SMYD5: variants seen among roughly 807,000 people sequenced by gnomAD.
The protein encoded by SMYD5 is SMYD family member 5.
A neutral mutation model predicts 57.4 loss-of-function variants in SMYD5; 35 were observed. The ratio of observed to expected loss-of-function variants is 0.61; its 90% confidence interval spans 0.47 to 0.81. The LOEUF (loss-of-function observed/expected upper bound fraction) is 0.81. SMYD5 is among the 30% of genes least tolerant of loss of function. The pLI is 0.00. For synonymous variants in SMYD5, 198 were observed against 189.7 expected, an observed-to-expected ratio of 1.04 and a Z score of -0.36; for missense variants, 471 against 527.9, an observed-to-expected ratio of 0.89 and a Z score of 1.06.
At chr2:73,223,591 G>A in intron 9 of SMYD5, 59 bp downstream of exon 9, 1 of 1,159,594 alleles carries the variant, frequency 8.6e-7, no homozygotes, top group South Asian at 1.2e-5. Context: ...GTCAGATGGT[G>A]GACACAAAGT....
rs149763941 is a variant in SMYD5, at chr2:73,224,131, T to G, written c.940+128T>G. ...GTAGGGTTGAGTCTGGGAGCCCCAT[T>G]AGGTCTGAGCTCCCACAGGAATTCC... On this transcript the variant is annotated intron_variant, in intron 10 of 12. Coordinates refer to ENST00000389501, the MANE Select transcript of SMYD5 (RefSeq NM_006062.3). The G allele has an allele frequency of 4.7e-3, 3,785 of 804,732 alleles. 19 individuals carry two copies. Among genetic ancestry groups the G allele is most frequent in the Middle Eastern group, 0.013 (38 of 2,824 alleles). 49.8% of individuals were successfully genotyped at this position (804,732 alleles called of 1,614,324 possible).
chr2:73,225,160 G>A, intron 11 of SMYD5, 200 bp downstream of exon 11: 1 of 553,752 alleles, frequency 1.8e-6, no homozygotes. Flanking sequence ...ACTCCAGAAA[G>A]CCTCAGGACA....
chr2:73,226,851 T>G lies in SMYD5; in HGVS notation c.*905T>G, dbSNP rs528239602. The G allele has an allele frequency of 3.9e-5, 6 of 152,854 alleles. No individual in the cohort carries two copies. Among genetic ancestry groups the G allele is most frequent in the African/African-American group, 1.4e-4 (6 of 41,558 alleles). 9.5% of individuals were successfully genotyped at this position (152,854 alleles called of 1,614,324 possible). A position where few individuals can be genotyped will look rare whatever the true frequency, so the allele number is the denominator to read the frequency against. ...CTCTCCTGGCCTCAATCTCCATCTTTAGGGTCTCCACAGACTAACATTGAA... is the reference window on the plus strand; with the variant it reads ...CTCTCCTGGCCTCAATCTCCATCTTGAGGGTCTCCACAGACTAACATTGAA... On this transcript the variant is annotated 3_prime_UTR_variant, in exon 13 of 13. Transcript: ENST00000389501.
chr2:73,221,956 C>T, intron 6 of SMYD5, 26 bp downstream of exon 6: 2 of 1,366,050 alleles, frequency 1.5e-6, no homozygotes, highest in South Asian at 2.3e-5. Flanking sequence ...TGGCCTGTCT[C>T]CTTCCCTCCC....
chr2:73,216,357 C>T (rs1396918708), intron 1 of SMYD5, among the ~76,000 whole-genome samples: 2 of 152,166 alleles, frequency 1.3e-5, no homozygotes, highest in East Asian at 3.8e-4. Flanking sequence ...GAGTTCAAGA[C>T]CAGTCTGGCC....
At chr2:73,219,962 G>A in intron 2 of SMYD5, 89 bp from the exon 3 acceptor site, 1 of 1,497,984 alleles carries the variant, frequency 6.7e-7, no homozygotes, top group South Asian at 1.1e-5. Flanking sequence ...AATGGTGCCT[G>A]GCACATAGCA....
chr2:73,220,221 G>T (rs927227680), intron 3 of SMYD5, 31 bp downstream of exon 3: 4 of 1,610,610 alleles, frequency 2.5e-6, no homozygotes, highest in South Asian at 1.1e-5. Context: ...TACCTGGAAG[G>T]GGGTGGGTGA....
rs751853646 is a variant in SMYD5 at position 73,214,293 on chromosome 2, C to A, written c.27C>A (p.Phe9Leu). The A allele has an allele frequency of 5.2e-5, 84 of 1,613,812 alleles. No homozygotes were observed. The South Asian group carries it at 9.1e-4, about 18-fold the overall frequency. MAASMCDV[F>L]SFCVGVAGRA... ...TGGCGGCCTCCATGTGCGACGTGTT[C>A]TCCTTCTGCGTGGGCGTGGCGGGCC... The change falls in exon 1 of 13, where the codon TTC becomes TTA. Residue 9 changes from phenylalanine to leucine, a missense_variant. Coordinates refer to ENST00000389501, the MANE Select transcript of SMYD5 (RefSeq NM_006062.3).
intron 11 of SMYD5, 200 bp from the exon 12 acceptor site, chr2:73,225,431 C>G: frequency 1.5e-6 from 1 of 660,786 alleles, no homozygotes; most frequent in Non-Finnish European, 2.7e-6. Context: ...GTCTCAGGCA[C>G]AGGCTGTTGG....
chr2:73,224,880 G>A lies in SMYD5; in HGVS notation c.955G>A (p.Val319Met), dbSNP rs1416537757. The change falls in exon 11 of 13, where the codon GTG becomes ATG. Residue 319 changes from valine (V) to methionine (M), a missense_variant. Transcript: ENST00000389501. ...VLQSCCNHSC[V>M]PNAETSFPEN... is the part of the protein sequence containing the mutation. ...TTATGATCCAGGCAACCACAGTTGT[G>A]TGCCCAATGCAGAGACCTCCTTTCC... 7.4e-6 allele frequency: 12 copies of A among 1,613,622 alleles called. No homozygotes were observed. The highest frequency in any genetic ancestry group is 2.2e-5 in the South Asian group (2 of 91,040).
chr2:73,223,265 G>A, intron 8 of SMYD5, 159 bp downstream of exon 8: 1 of 830,398 alleles, frequency 1.2e-6, no homozygotes, highest in Non-Finnish European at 2.0e-6. Context: ...ATTGGAATCT[G>A]TTTTGGGGAG....
chr2:73,220,219 AG>A (rs750646774), intron 3 of SMYD5, 29 bp downstream of exon 3: 11 of 1,611,088 alleles, frequency 6.8e-6, no homozygotes, highest in Non-Finnish European at 9.3e-6. Flanking sequence ...TGTACCTGGA[AG>A]GGGGTGGGTG....
intron 5 of SMYD5, among the ~76,000 whole-genome samples, chr2:73,221,615 C>A (rs1425502969): frequency 6.6e-6 from 1 of 152,074 alleles, no homozygotes; most frequent in African/African-American, 2.4e-5. Flanking sequence ...AATATTGTTC[C>A]TCAGCCTCTT....
rs1451155691 is a variant in SMYD5 at position 73,226,589 on chromosome 2, T to TC, written c.*648dup. 1 of 152,828 alleles carries TC rather than the reference T, an allele frequency of 6.5e-6. No homozygotes were observed. Among genetic ancestry groups the TC allele is most frequent in the Admixed American group, 6.5e-5 (1 of 15,366 alleles). 9.5% of individuals were successfully genotyped at this position (152,828 alleles called of 1,614,324 possible). A position where few individuals can be genotyped will look rare whatever the true frequency, so the allele number is the denominator to read the frequency against. ...ATCTGGGGAAGTGGAGATTAACCCC[T>TC]CCCCCAGACTCGTGCCTTGCCTCTC... On this transcript the variant is annotated 3_prime_UTR_variant, in exon 13 of 13. Transcript: ENST00000389501.
rs2303904 is a variant in SMYD5 at position 73,220,647 on chromosome 2, A to G, written c.346-14A>G. 659,967 of 1,612,332 alleles carry G rather than the reference A, an allele frequency of 0.41. 136,986 individuals are homozygous for G. The highest frequency in any genetic ancestry group is 0.52 in the African/African-American group (39,311 of 74,894). ...GCCAGATCCTTGGGTACTGACCTCT[A>G]TCCCACCTAACAGGTGATGTACTGC... On this transcript the variant is annotated splice_polypyrimidine_tract_variant and intron_variant, in intron 3 of 12. Transcript: ENST00000389501.
intron 9 of SMYD5, 22 bp from the exon 10 acceptor site, chr2:73,223,925 T>G: frequency 6.2e-7 from 1 of 1,610,084 alleles, no homozygotes; most frequent in Middle Eastern, 1.7e-4. Flanking sequence ...TAGAATAATG[T>G]GTGTGTATTA....
At position 73,226,476 on chromosome 2, in the gene SMYD5, T is replaced by C. The variant is rs1686509943; in HGVS notation, c.*530T>C. 1 of 154,064 alleles carries C rather than the reference T, an allele frequency of 6.5e-6. No individual in the cohort carries two copies. Among genetic ancestry groups the C allele is most frequent in the South Asian group, 2.0e-4 (1 of 4,940 alleles). 9.5% of individuals were successfully genotyped at this position (154,064 alleles called of 1,614,324 possible). ...GCAAGCAGAGGCGGGCAGGAGGATCTGGGCATCCTGAGCCCCTTCCCTGAG... is the reference window on the plus strand; with the variant it reads ...GCAAGCAGAGGCGGGCAGGAGGATCCGGGCATCCTGAGCCCCTTCCCTGAG... On this transcript the variant is annotated 3_prime_UTR_variant, in exon 13 of 13. Transcript: ENST00000389501.
chr2:73,219,582 A>G (rs900904436), intron 2 of SMYD5, among the ~76,000 whole-genome samples: 6 of 152,178 alleles, frequency 3.9e-5, no homozygotes. Context: ...GGGTTTCAAC[A>G]TGTTGGCTAG....
In SMYD5 at chr2:73,221,083, T is replaced by A. The variant is rs113817443; in HGVS notation, c.468-82T>A. 3.5e-5 allele frequency: 44 copies of A among 1,262,710 alleles called. No individual in the cohort carries two copies. The African/African-American group carries it at 4.0e-4, about 11-fold the overall frequency. 78.2% of individuals were successfully genotyped at this position (1,262,710 alleles called of 1,614,324 possible). On this transcript the variant is annotated intron_variant, in intron 4 of 12. Transcript: ENST00000389501. ...TTGATGGAATTGGTAGGAAGTTTTCTCTGTACCAGTCAGACTCGGCTTCCC... is the reference window on the plus strand; with the variant it reads ...TTGATGGAATTGGTAGGAAGTTTTCACTGTACCAGTCAGACTCGGCTTCCC...
Sources: gnomAD v4.1 joint callset for allele counts (sites outside exome capture counted in the v4.1 genomes callset) on GRCh38, gnomAD v4.1.1 for gene constraint, MANE v1.5 for transcripts, NCBI Gene and HGNC (gene_info 2026-07-23, HGNC 2026-07-21) for gene names.